Variants in KIF26B observed in about 807,000 individuals in gnomAD.
KIF26B encodes the protein kinesin-like protein KIF26B.
A neutral mutation model predicts 151.2 loss-of-function variants in KIF26B; 63 were observed. The observed-to-expected ratio is 0.42, with a 90% CI of 0.34 to 0.51. The LOEUF is 0.51. Among genes scored for constraint, KIF26B ranks in the 20% least tolerant of loss-of-function variants. The pLI, the probability that KIF26B is intolerant of heterozygous loss-of-function variation, is 0.07. For missense variants in KIF26B, 2,813 were observed against 2,913.6 expected (o/e 0.97, Z 0.79); for synonymous variants, 1,357 against 1,262.1 (o/e 1.08, Z -1.59).
chr1:245,409,599 G>T (rs983976924), intron 3 of KIF26B, among the ~76,000 whole-genome samples: 1 of 152,216 alleles, frequency 6.6e-6, no homozygotes. Context: ...TGAGTCAAAT[G>T]CTGTGGATGG....
rs1330081697 is a variant in KIF26B at position 245,707,855 on chromosome 1, C to G, written c.*5249C>G. 3 of 152,228 alleles carry G rather than the reference C, an allele frequency of 2.0e-5. No homozygotes were observed. The highest frequency in any genetic ancestry group is 2.0e-4 in the Admixed American group (3 of 15,282). The allele number at this position is 152,228 out of a possible 1,614,324, so 9.4% of individuals were successfully genotyped here. A position where few individuals can be genotyped will look rare whatever the true frequency, so the allele number is the denominator to read the frequency against. ...ACTCAGCCTCTTCCTAATGGTTCAA[C>G]ATTCAATTCCTGAGGAAAGTGCTGA... On this transcript the variant is annotated 3_prime_UTR_variant, in exon 15 of 15. Transcript: ENST00000407071.
At chr1:245,225,447 T>G (rs889383334) in intron 2 of KIF26B, among the ~76,000 whole-genome samples, 2 of 152,230 alleles carry the variant, frequency 1.3e-5, no homozygotes, top group African/African-American at 4.8e-5. Context: ...TCGATGGCCC[T>G]CTGCAGGAGG....
intron 5 of KIF26B, among the ~76,000 whole-genome samples, chr1:245,583,552 C>T (rs886259525): frequency 5.3e-5 from 8 of 152,152 alleles, no homozygotes; most frequent in Admixed American, 4.6e-4. Flanking sequence ...ACGAATGTTT[C>T]TTATCATGAA....
intron 10 of KIF26B, among the ~76,000 whole-genome samples, chr1:245,681,824 C>A (rs2044443441): frequency 1.3e-5 from 2 of 152,206 alleles, no homozygotes; most frequent in African/African-American, 4.8e-5. Context: ...AAATATAATT[C>A]ATTATTTTGA....
chr1:245,181,216 G>T (rs896558601), intron 2 of KIF26B, among the ~76,000 whole-genome samples: 1 of 150,740 alleles, frequency 6.6e-6, no homozygotes, highest in East Asian at 1.9e-4. Flanking sequence ...CTTCTTTCTT[G>T]CTCCCTTTCT....
intron 2 of KIF26B, among the ~76,000 whole-genome samples, chr1:245,257,613 C>G (rs1670560399): frequency 6.6e-6 from 1 of 152,296 alleles, no homozygotes; most frequent in Admixed American, 6.5e-5. Context: ...GCACATCAGC[C>G]TGGAGGAAGG....
intron 2 of KIF26B, among the ~76,000 whole-genome samples, chr1:245,287,486 A>ATC (rs869262948): frequency 7.4e-6 from 1 of 135,984 alleles, no homozygotes; most frequent in African/African-American, 2.8e-5. Flanking sequence ...TGTGTGTCTC[A>ATC]TCTCTCTCTC....
chr1:245,326,513 G>A (rs560287332), intron 2 of KIF26B, among the ~76,000 whole-genome samples: 1 of 152,168 alleles, frequency 6.6e-6, no homozygotes, highest in Non-Finnish European at 1.5e-5. Flanking sequence ...GCCAGGCAAA[G>A]GTTCCGGACC....
At chr1:245,269,639 A>G (rs1474083951) in intron 2 of KIF26B, among the ~76,000 whole-genome samples, 1 of 151,496 alleles carries the variant, frequency 6.6e-6, no homozygotes, top group African/African-American at 2.4e-5. Context: ...TAATTTTTGT[A>G]TTTTTAGTAG....
chr1:245,455,675 G>T (rs1022292387), intron 4 of KIF26B, among the ~76,000 whole-genome samples: 1 of 152,176 alleles, frequency 6.6e-6, no homozygotes, highest in African/African-American at 2.4e-5. Flanking sequence ...AGATACAGAT[G>T]GATGAATATT....
chr1:245,326,140 C>T (rs909302890), intron 2 of KIF26B, among the ~76,000 whole-genome samples: 2 of 152,134 alleles, frequency 1.3e-5, no homozygotes, highest in African/African-American at 4.8e-5. Flanking sequence ...AAAAGTAAGG[C>T]GTGTTCTTCA....
At chr1:245,453,106 G>T (rs1421670494) in intron 4 of KIF26B, among the ~76,000 whole-genome samples, 1 of 152,150 alleles carries the variant, frequency 6.6e-6, no homozygotes, top group Admixed American at 6.5e-5. Context: ...AATTTTTTGT[G>T]TATGGTGTGA....
At chr1:245,237,579 A>G (rs559272586) in intron 2 of KIF26B, among the ~76,000 whole-genome samples, 1 of 152,250 alleles carries the variant, frequency 6.6e-6, no homozygotes, top group African/African-American at 2.4e-5. Flanking sequence ...GCATCATGGC[A>G]AAAAAGCCTT....
At chr1:245,240,086 C>T (rs1670186663) in intron 2 of KIF26B, among the ~76,000 whole-genome samples, 1 of 152,068 alleles carries the variant, frequency 6.6e-6, no homozygotes, top group African/African-American at 2.4e-5. Context: ...ATGAGAACTG[C>T]TTGAACCCGG....
intron 2 of KIF26B, among the ~76,000 whole-genome samples, chr1:245,299,321 T>G (rs950658918): frequency 3.5e-4 from 10 of 28,638 alleles, no homozygotes; most frequent in African/African-American, 9.2e-4. Context: ...CAATTCTGGG[T>G]TTTTTTTTTT....
chr1:245,615,362 T>C lies in KIF26B; in HGVS notation c.2098+3386T>C, dbSNP rs143862421. 1.4e-4 allele frequency among the ~76,000 whole-genome samples: 21 copies of C among 152,304 alleles called. No homozygotes were observed. The East Asian group carries it at 3.1e-3, about 22-fold the overall frequency. On this transcript the variant is annotated intron_variant, in intron 9 of 14. Coordinates refer to ENST00000407071, the MANE Select transcript of KIF26B (RefSeq NM_018012.4). Reference sequence around the variant, plus strand: ...GAGGACAACTCTGTTTTCGGTTTTGTACTTTTTTTCTTTTTTGCAGTTCTG... The same window carrying C: ...GAGGACAACTCTGTTTTCGGTTTTGCACTTTTTTTCTTTTTTGCAGTTCTG...
Position 245,245,298 on chromosome 1 carries a change from C to T in KIF26B, c.465+88615C>T, listed in dbSNP as rs200151499. Among the ~76,000 whole-genome samples, 6 of 152,126 alleles carry T rather than the reference C, an allele frequency of 3.9e-5. No individual in the cohort carries two copies. The East Asian group carries it at 5.8e-4, about 15-fold the overall frequency. ...GTGGTCTACTGATGATCAAAGCCCTCGATGGTGCAGACTGCTGTCACCCCT... is the reference window on the plus strand; with the variant it reads ...GTGGTCTACTGATGATCAAAGCCCTTGATGGTGCAGACTGCTGTCACCCCT... On this transcript the variant is annotated intron_variant, in intron 2 of 14. Coordinates refer to ENST00000407071, the MANE Select transcript of KIF26B (RefSeq NM_018012.4).
At chr1:245,616,169 A>C (rs2043588551) in intron 9 of KIF26B, among the ~76,000 whole-genome samples, 1 of 152,256 alleles carries the variant, frequency 6.6e-6, no homozygotes, top group South Asian at 2.1e-4. Flanking sequence ...AAAAGTTTTA[A>C]ACATTTCCAG....
At chr1:245,372,962 A>G (rs1173594477) in intron 3 of KIF26B, among the ~76,000 whole-genome samples, 1 of 152,240 alleles carries the variant, frequency 6.6e-6, no homozygotes, top group Non-Finnish European at 1.5e-5. Context: ...GGAACAATTA[A>G]GAAGAAGGCG....
Sources: gnomAD v4.1 joint callset for allele counts (sites outside exome capture counted in the v4.1 genomes callset) on GRCh38, gnomAD v4.1.1 for gene constraint, MANE v1.5 for transcripts, NCBI Gene and HGNC (gene_info 2026-07-23, HGNC 2026-07-21) for gene names.